Variants in MACROD2 observed in about 807,000 individuals in gnomAD.
MACROD2 encodes the protein ADP-ribose glycohydrolase MACROD2.
In MACROD2, 36 loss-of-function variants were observed where a neutral mutation model predicts 70.4. The ratio of observed to expected loss-of-function variants is 0.51; its 90% confidence interval spans 0.39 to 0.68. MACROD2 has a LOEUF of 0.68. MACROD2 is among the 30% of genes least tolerant of loss of function. The probability of loss-of-function intolerance (pLI) is 0.00; values close to 1 mark genes in which losing one functional copy is unlikely to be tolerated. For synonymous variants in MACROD2, 172 were observed against 178.8 expected (o/e 0.96, Z 0.30); for missense variants, 496 against 538.4 (o/e 0.92, Z 0.78).
intron 12 of MACROD2, among the ~76,000 whole-genome samples, chr20:15,966,823 T>G (rs568639673): frequency 6.6e-6 from 1 of 152,196 alleles, no homozygotes; most frequent in East Asian, 1.9e-4. Context: ...TGTTGATCCA[T>G]TCACAGGATC....
rs183937476 is a variant in MACROD2 at position 15,309,741 on chromosome 20, C to T, written c.540+79680C>T. On this transcript the variant is annotated intron_variant, in intron 6 of 17. Transcript: ENST00000684519. ...TTATAATATTCTATATAGAGTATTA[C>T]GGGACCATGGAGAAAAGAACGATTT... Among the ~76,000 whole-genome samples the T allele has an allele frequency of 4.1e-4, 62 of 152,028 alleles. No homozygotes were observed. In the East Asian group the frequency reaches 6.6e-3, roughly 16 times the overall value.
At chr20:15,652,683 A>G (rs151139921) in intron 8 of MACROD2, among the ~76,000 whole-genome samples, 4 of 152,242 alleles carry the variant, frequency 2.6e-5, no homozygotes, top group African/African-American at 9.6e-5. Context: ...TGTGAATGCC[A>G]CAAGTCTATT....
chr20:15,917,618 T>C (rs1185751374), intron 10 of MACROD2, among the ~76,000 whole-genome samples: 2 of 152,206 alleles, frequency 1.3e-5, no homozygotes, highest in Non-Finnish European at 2.9e-5. Flanking sequence ...TCAGCATGCC[T>C]CGTGAATGAC....
chr20:15,598,995 G>C (rs1052137523), intron 8 of MACROD2, among the ~76,000 whole-genome samples: 3 of 152,106 alleles, frequency 2.0e-5, no homozygotes, highest in Non-Finnish European at 4.4e-5. Flanking sequence ...AAAATGCCCA[G>C]TGCTGGAGCC....
chr20:15,240,877 A>T (rs1226933518), intron 6 of MACROD2, among the ~76,000 whole-genome samples: 1 of 152,192 alleles, frequency 6.6e-6, no homozygotes, highest in Non-Finnish European at 1.5e-5. Flanking sequence ...CTTCTGAAAG[A>T]CAGGAAGAGA....
intron 2 of MACROD2, among the ~76,000 whole-genome samples, chr20:14,085,258 T>G (rs2054063240): frequency 6.6e-6 from 1 of 151,204 alleles, no homozygotes; most frequent in Non-Finnish European, 1.5e-5. Context: ...AGGTAAGTTC[T>G]TCTTACCTAA....
At chr20:15,240,933 T>G (rs1328340716) in intron 6 of MACROD2, among the ~76,000 whole-genome samples, 1 of 152,202 alleles carries the variant, frequency 6.6e-6, no homozygotes, top group African/African-American at 2.4e-5. Flanking sequence ...TTCTTGTTCT[T>G]TCCAACCTCC....
intron 6 of MACROD2, among the ~76,000 whole-genome samples, chr20:15,395,492 G>A (rs1020813469): frequency 6.6e-6 from 1 of 152,044 alleles, no homozygotes; most frequent in African/African-American, 2.4e-5. Context: ...GGGCCAGATA[G>A]AAAAAAATTA....
intron 5 of MACROD2, among the ~76,000 whole-genome samples, chr20:14,881,194 C>T (rs1287142275): frequency 6.6e-6 from 1 of 151,546 alleles, no homozygotes; most frequent in Non-Finnish European, 1.5e-5. Context: ...TTCTCCCATT[C>T]TCTTCCTGCT....
At chr20:15,103,877 G>T (rs2075891355) in intron 5 of MACROD2, among the ~76,000 whole-genome samples, 1 of 152,082 alleles carries the variant, frequency 6.6e-6, no homozygotes, top group Admixed American at 6.6e-5. Context: ...TGCTAGTGCA[G>T]GAATGAGGTT....
intron 13 of MACROD2, among the ~76,000 whole-genome samples, chr20:15,972,192 A>G (rs2066242094): frequency 6.6e-6 from 1 of 152,026 alleles, no homozygotes; most frequent in African/African-American, 2.4e-5. Flanking sequence ...TAAGTGACTG[A>G]GGGGAAAAAA....
chr20:14,662,250 T>C (rs1986261701), intron 4 of MACROD2, among the ~76,000 whole-genome samples: 1 of 152,036 alleles, frequency 6.6e-6, no homozygotes, highest in African/African-American at 2.4e-5. Flanking sequence ...AAAGAATTTA[T>C]TTAATAAATG....
chr20:15,649,174 C>T (rs1485547487), intron 8 of MACROD2, among the ~76,000 whole-genome samples: 6 of 136,100 alleles, frequency 4.4e-5, no homozygotes, highest in Non-Finnish European at 7.7e-5. Context: ...CTCTCTTTCT[C>T]TTTCTCCTTC....
At chr20:15,913,389 C>CT in intron 10 of MACROD2, among the ~76,000 whole-genome samples, 2 of 152,052 alleles carry the variant, frequency 1.3e-5, no homozygotes, top group East Asian at 3.9e-4. Flanking sequence ...TCCCTAAATT[C>CT]TTTTTTTATA....
intron 8 of MACROD2, among the ~76,000 whole-genome samples, chr20:15,716,271 G>C (rs1303717997): frequency 6.6e-6 from 1 of 152,172 alleles, no homozygotes; most frequent in Admixed American, 6.5e-5. Context: ...CAAACTGTTA[G>C]AGGAAGAATC....
At chr20:14,409,585 G>A (rs2083727874) in intron 3 of MACROD2, among the ~76,000 whole-genome samples, 2 of 151,876 alleles carry the variant, frequency 1.3e-5, no homozygotes, top group Admixed American at 6.6e-5. Context: ...AACCTCTACT[G>A]GGTTGCCTTG....
At chr20:15,341,722 A>G (rs937964384) in intron 6 of MACROD2, among the ~76,000 whole-genome samples, 1 of 152,194 alleles carries the variant, frequency 6.6e-6, no homozygotes, top group Admixed American at 6.5e-5. Context: ...TACTGAGAAA[A>G]AAAATGAAAG....
intron 13 of MACROD2, among the ~76,000 whole-genome samples, chr20:15,973,162 T>C (rs1340898879): frequency 6.6e-6 from 1 of 152,124 alleles, no homozygotes; most frequent in Non-Finnish European, 1.5e-5. Flanking sequence ...GTTTCTGTAT[T>C]TGCATTTGGT....
chr20:14,805,020 T>C (rs2072622222), intron 5 of MACROD2, among the ~76,000 whole-genome samples: 2 of 152,020 alleles, frequency 1.3e-5, no homozygotes, highest in South Asian at 4.2e-4. Flanking sequence ...TGTGGAGCTC[T>C]ATGAAGTCTT....
Sources: allele counts gnomAD v4.1 joint callset (sites outside exome capture counted in the v4.1 genomes callset), GRCh38; gene constraint gnomAD v4.1.1; transcripts MANE v1.5; gene names NCBI Gene and HGNC (gene_info 2026-07-23, HGNC 2026-07-21).